Variants in FBN1 observed in about 807,000 individuals in gnomAD.
FBN1 encodes fibrillin-1.
FBN1 carries 29 observed loss-of-function variants against 365.1 expected under a neutral mutation model. The ratio of observed to expected loss-of-function variants is 0.08; its 90% CI spans 0.06 to 0.11. The LOEUF (loss-of-function observed/expected upper bound fraction) is 0.11, where lower values mean the gene tolerates loss of function less well. Among genes scored for constraint, FBN1 ranks in the 10% least tolerant of loss-of-function variants. The pLI, the probability that FBN1 is intolerant of heterozygous loss-of-function variation, is 1.00. For missense variants in FBN1, 2,476 were observed against 3,703.2 expected (o/e 0.67, Z 8.60); for synonymous variants, 1,210 against 1,270.5 (o/e 0.95, Z 1.01).
rs72166602 is a variant in FBN1 at position 48,638,037 on chromosome 15, C to CTTT, written c.164+6566_164+6568dup. Among the ~76,000 whole-genome samples the CTTT allele has an allele frequency of 9.1e-4, 132 of 144,674 alleles. 1 individual carries two copies. Among genetic ancestry groups the CTTT allele is most frequent in the African/African-American group, 3.2e-3 (126 of 39,652 alleles). 94.9% of individuals were successfully genotyped at this position (144,674 alleles called of 152,430 possible). ...CTTCAGTTTGTTGACCACTGATAAA[C>CTTT]TTTTTTTTTTTTTTTAAGACAGGAT... On this transcript the variant is annotated intron_variant, in intron 2 of 65. Transcript: ENST00000316623.
At chr15:48,523,764 G>A (rs930316858) in intron 9 of FBN1, among the ~76,000 whole-genome samples, 2 of 151,664 alleles carry the variant, frequency 1.3e-5, no homozygotes, top group Non-Finnish European at 2.9e-5. Flanking sequence ...GAGGGTAAGG[G>A]GTGGCTGTAG....
chr15:48,473,789 T>A (rs2043396459), intron 34 of FBN1, among the ~76,000 whole-genome samples: 1 of 151,882 alleles, frequency 6.6e-6, no homozygotes, highest in African/African-American at 2.4e-5. Flanking sequence ...AGAAAGGAAG[T>A]CATTGGTGAG....
chr15:48,531,613 TC>T (rs1381057835), intron 8 of FBN1, among the ~76,000 whole-genome samples: 1 of 152,144 alleles, frequency 6.6e-6, no homozygotes, highest in Non-Finnish European at 1.5e-5. Context: ...GGGCCAGACT[TC>T]CTGGGTTCCC....
At chr15:48,414,277 C>A (rs1045534474) in intron 64 of FBN1, among the ~76,000 whole-genome samples, 1 of 152,174 alleles carries the variant, frequency 6.6e-6, no homozygotes, top group Non-Finnish European at 1.5e-5. Flanking sequence ...ATTCTGTGTG[C>A]TTCCCACGAA....
intron 40 of FBN1, among the ~76,000 whole-genome samples, chr15:48,464,837 T>G (rs188724120): frequency 6.6e-6 from 1 of 152,224 alleles, no homozygotes; most frequent in Non-Finnish European, 1.5e-5. Context: ...GAGTTGATTC[T>G]AATCTTTGTT....
chr15:48,612,297 T>A (rs913769453), intron 3 of FBN1, among the ~76,000 whole-genome samples: 2 of 152,230 alleles, frequency 1.3e-5, no homozygotes, highest in Non-Finnish European at 2.9e-5. Flanking sequence ...TTAATGTCCC[T>A]TCAGCTCTAA....
chr15:48,607,878 G>T (rs865834834), intron 4 of FBN1, among the ~76,000 whole-genome samples: 1 of 152,172 alleles, frequency 6.6e-6, no homozygotes, highest in Admixed American at 6.5e-5. Flanking sequence ...TGACAATTAG[G>T]ATTGCTCAAA....
At chr15:48,564,109 C>T (rs1485258158) in intron 6 of FBN1, among the ~76,000 whole-genome samples, 1 of 152,074 alleles carries the variant, frequency 6.6e-6, no homozygotes. Context: ...TAGGGGAAGG[C>T]TGTAATGTTT....
rs756683929 is a variant in FBN1, at chr15:48,474,291, T to C, written c.4174A>G (p.Lys1392Glu). 5.6e-6 allele frequency: 9 copies of C among 1,614,152 alleles called. No homozygotes were observed. Among genetic ancestry groups the C allele is most frequent in the Non-Finnish European group, 6.8e-6 (8 of 1,180,002 alleles). ...NTMGSYRCLC[K>E]EGYTGDGFTC... ...AAGCCATCACCTGTGTATCCTTCCT[T>C]GCACAGACAGCGGTAAGATCCCATG... The change falls in exon 34 of 66, where the codon AAG (lysine) becomes GAG (glutamate). Residue 1392 changes from lysine to glutamate, a missense_variant. Around this residue, in one of 5 missense-constraint regions of FBN1, gnomAD observed 1,780 missense variants for 2,840.8 expected, o/e 0.63. Coordinates refer to ENST00000316623, the MANE Select transcript of FBN1 (RefSeq NM_000138.5).
At chr15:48,525,850 A>C (rs1255616062) in intron 9 of FBN1, among the ~76,000 whole-genome samples, 1 of 152,204 alleles carries the variant, frequency 6.6e-6, no homozygotes, top group African/African-American at 2.4e-5. Flanking sequence ...GATGGCTTCA[A>C]GGTTTAATGC....
At chr15:48,411,525 C>G (rs963490527) in intron 65 of FBN1, 146 bp from the exon 66 acceptor site, 1 of 714,126 alleles carries the variant, frequency 1.4e-6, no homozygotes, top group Middle Eastern at 2.6e-4. Context: ...TTGTTTAGAC[C>G]ACAAGTGTAT....
At chr15:48,453,294 CA>C (rs60566317) in intron 44 of FBN1, among the ~76,000 whole-genome samples, 18,259 of 58,432 alleles carry the variant, frequency 0.31, 1,518 homozygotes, top group African/African-American at 0.35. Context: ...ATAAAACAAA[CA>C]AAAAAAAAAC....
At chr15:48,611,563 T>A (rs1432597044) in intron 3 of FBN1, among the ~76,000 whole-genome samples, 1 of 152,214 alleles carries the variant, frequency 6.6e-6, no homozygotes, top group Non-Finnish European at 1.5e-5. Context: ...TCCAGCCTAT[T>A]GTAAATGTTT....
At chr15:48,575,319 ATATGTATGTATGTATGTATG>A (rs56083230) in intron 6 of FBN1, among the ~76,000 whole-genome samples, 17 of 149,864 alleles carry the variant, frequency 1.1e-4, no homozygotes, top group African/African-American at 1.5e-4. Flanking sequence ...ATGTATTTAC[ATATGTATGTATGTATGTATG>A]TATGTATGTA....
chr15:48,557,550 G>A (rs549933163), intron 6 of FBN1, among the ~76,000 whole-genome samples: 5 of 152,302 alleles, frequency 3.3e-5, no homozygotes, highest in Non-Finnish European at 5.9e-5. Flanking sequence ...GCACAGCTGA[G>A]CAAGCGCCAT....
chr15:48,461,692 CT>C (rs2043281414), intron 42 of FBN1, among the ~76,000 whole-genome samples: 1 of 152,088 alleles, frequency 6.6e-6, no homozygotes. Context: ...GGTCAGCAAA[CT>C]TTTTAATAAA....
chr15:48,473,460 G>A (rs1566906178), intron 34 of FBN1, among the ~76,000 whole-genome samples: 1 of 152,214 alleles, frequency 6.6e-6, no homozygotes, highest in Non-Finnish European at 1.5e-5. Context: ...ATATGCACAT[G>A]TAAGTATATG....
intron 58 of FBN1, among the ~76,000 whole-genome samples, chr15:48,427,025 C>T (rs774296235): frequency 6.6e-6 from 1 of 152,132 alleles, no homozygotes; most frequent in Non-Finnish European, 1.5e-5. Flanking sequence ...TTGATAAACA[C>T]AGGAATCATA....
Position 48,474,274 on chromosome 15 carries a change from A to G in FBN1, c.4191T>C (p.Gly1397=). 9.9e-6 allele frequency: 16 copies of G among 1,614,098 alleles called. No individual in the cohort carries two copies. The highest frequency in any genetic ancestry group is 1.4e-5 in the Non-Finnish European group (16 of 1,179,988). The change falls in exon 34 of 66, where the codon GGT becomes GGC. Residue 1397 remains glycine, a synonymous_variant. Transcript: ENST00000316623. ...YRCLCKEGYT[G]DGFTCTDLDE... ...ACATACCTGTACAAGTGAAGCCATC[A>G]CCTGTGTATCCTTCCTTGCACAGAC...
Sources: gnomAD v4.1 joint callset for allele counts (sites outside exome capture counted in the v4.1 genomes callset) on GRCh38, gnomAD v4.1.1 for gene constraint, gnomAD v4.1.1 regional missense constraint, MANE v1.5 for transcripts, NCBI Gene and HGNC (gene_info 2026-07-23, HGNC 2026-07-21) for gene names.